HSPG2: variants seen among roughly 807,000 people sequenced by gnomAD.
HSPG2 encodes the protein basement membrane-specific heparan sulfate proteoglycan core protein.
A neutral mutation model predicts 526.6 loss-of-function variants in HSPG2; 278 were observed. The observed-to-expected ratio is 0.53, with a 90% CI of 0.48 to 0.58. The LOEUF (loss-of-function observed/expected upper bound fraction) is 0.58. HSPG2 is among the 20% of genes least tolerant of loss of function. The probability of loss-of-function intolerance (pLI) is 0.00; values close to 1 mark genes in which losing one functional copy is unlikely to be tolerated. For synonymous variants in HSPG2, 2,465 were observed against 2,555.4 expected, an observed-to-expected ratio of 0.96 and a Z score of 1.07; for missense variants, 5,354 against 6,099.5, an observed-to-expected ratio of 0.88 and a Z score of 4.07.
intron 74 of HSPG2, 89 bp from the exon 75 acceptor site, chr1:21,837,095 CATT>C (rs1016050872): frequency 8.2e-7 from 1 of 1,217,856 alleles, no homozygotes. Context: ...CCCAGCCCAA[CATT>C]CAAGGAATGT....
At chr1:21,851,996 C>T in intron 53 of HSPG2, 70 bp from the exon 54 acceptor site, 1 of 1,610,092 alleles carries the variant, frequency 6.2e-7, no homozygotes, top group Admixed American at 1.7e-5. Flanking sequence ...CGCTGTCCCC[C>T]CGATCTAGGA....
At position 21,823,625 on chromosome 1, in the gene HSPG2, C is replaced by A. The variant is rs1138469; in HGVS notation, c.12994G>T (p.Val4332Phe). 6.2e-7 allele frequency: 1 copy of A among 1,613,648 alleles called. No homozygotes were observed. The highest frequency in any genetic ancestry group is 8.5e-7 in the Non-Finnish European group (1 of 1,179,798). ...PNVAVNAKGS[V>F]YIGGAPDVAT... ...GGAGCCCCAGACTTACCGATGTAGACGCTGCCCTTGGCGTTGACTGCCACG... is the reference window on the plus strand; with the variant it reads ...GGAGCCCCAGACTTACCGATGTAGAAGCTGCCCTTGGCGTTGACTGCCACG... The change falls in exon 96 of 97, where the codon GTC becomes TTC. Residue 4332 changes from valine to phenylalanine, a missense_variant. Coordinates refer to ENST00000374695, the MANE Select transcript of HSPG2 (RefSeq NM_005529.7).
chr1:21,883,048 T>A (rs1457641821), intron 13 of HSPG2, among the ~76,000 whole-genome samples: 1 of 151,440 alleles, frequency 6.6e-6, no homozygotes, highest in Non-Finnish European at 1.5e-5. Flanking sequence ...TTCCCACCAC[T>A]CCCTCCCCTG....
At position 21,881,348 on chromosome 1, in the gene HSPG2, C is replaced by T. The variant is rs776619467; in HGVS notation, c.1809G>A (p.Leu603=). The change falls in exon 14 of 97, where the codon CTG becomes CTA. Residue 603 remains leucine, a synonymous_variant. Coordinates refer to ENST00000374695, the MANE Select transcript of HSPG2 (RefSeq NM_005529.7). ...DSFWALPEQF[L]GNKVDSYGGS... ...AGCCCAGGCCCCTCACCTTGTTGCC[C>T]AGGAACTGTTCAGGCAGAGCCCAGA... 1 of 1,613,910 alleles carries T rather than the reference C, an allele frequency of 6.2e-7. No individual in the cohort carries two copies. The highest frequency in any genetic ancestry group is 8.5e-7 in the Non-Finnish European group (1 of 1,179,902).
Position 21,874,900 on chromosome 1 carries a change from C to T in HSPG2, c.3405G>A (p.Pro1135=), listed in dbSNP as rs367965024. ...GGGGCCCAGGACTCACCTGGCAGGACGGCCCACGGTACCCGGGTGGGCAGG... is the reference window on the plus strand; with the variant it reads ...GGGGCCCAGGACTCACCTGGCAGGATGGCCCACGGTACCCGGGTGGGCAGG... ...QCSCPPGYRG[P]SCQDCDTGYT... The change falls in exon 26 of 97, where the codon CCG becomes CCA. Residue 1135 remains proline (P), a synonymous_variant. Transcript: ENST00000374695. The T allele has an allele frequency of 1.9e-5, 30 of 1,611,614 alleles. No homozygotes were observed. The highest frequency in any genetic ancestry group is 1.7e-4 in the Middle Eastern group (1 of 6,036).
At chr1:21,912,221 G>C (rs1643717393) in intron 1 of HSPG2, among the ~76,000 whole-genome samples, 1 of 152,134 alleles carries the variant, frequency 6.6e-6, no homozygotes, top group South Asian at 2.1e-4. Flanking sequence ...TGACCTCTCT[G>C]AGCCTCTGTG....
chr1:21,921,933 T>C (rs1372832839), intron 1 of HSPG2, among the ~76,000 whole-genome samples: 1 of 151,986 alleles, frequency 6.6e-6, no homozygotes, highest in Non-Finnish European at 1.5e-5. Flanking sequence ...GAAGATCCCA[T>C]AAGAAAAGAG....
intron 65 of HSPG2, 124 bp downstream of exon 65, chr1:21,844,024 A>G: frequency 5.3e-6 from 7 of 1,323,370 alleles, no homozygotes; most frequent in Non-Finnish European, 7.4e-6. Flanking sequence ...TCCTGATTCC[A>G]TTGACCTCCT....
In HSPG2 at chr1:21,854,104, C is replaced by G. The variant is rs1160323183; in HGVS notation, c.6439+89G>C. On this transcript the variant is annotated intron_variant, in intron 50 of 96. Coordinates refer to ENST00000374695, the MANE Select transcript of HSPG2 (RefSeq NM_005529.7). ...GGTCAAAGCCTGCCTGGAATGCCCC[C>G]CTGTCCTGGTCCCACTGAAGAAGCC... The G allele has an allele frequency of 2.9e-6, 4 of 1,402,890 alleles. No individual in the cohort carries two copies. In the East Asian group the frequency reaches 1.0e-4, roughly 35 times the overall value. 86.9% of individuals were successfully genotyped at this position (1,402,890 alleles called of 1,614,324 possible).
At chr1:21,852,591 G>C in intron 52 of HSPG2, 109 bp downstream of exon 52, 1 of 1,476,898 alleles carries the variant, frequency 6.8e-7, no homozygotes, top group Non-Finnish European at 9.4e-7. Context: ...CCTGCAGCCA[G>C]CTCCGGTGTG....
At chr1:21,854,412 C>T in intron 49 of HSPG2, 69 bp from the exon 50 acceptor site, 1 of 1,533,558 alleles carries the variant, frequency 6.5e-7, no homozygotes, top group Admixed American at 2.0e-5. Flanking sequence ...CCCTCAGCCT[C>T]AGTGATTCAT....
At position 21,878,106 on chromosome 1, in the gene HSPG2, G is replaced by A; in HGVS notation, c.2685+80C>T. 3.8e-6 allele frequency: 5 copies of A among 1,310,796 alleles called. No homozygotes were observed. In the South Asian group the frequency reaches 6.2e-5, roughly 16 times the overall value. The allele number at this position is 1,310,796 out of a possible 1,614,324, so 81.2% of individuals were successfully genotyped here. ...CCCACTGGCCAAGGATCTATGGAGA[G>A]GACGGAGCTTCCTTCTTCCTCCTCC... is the stretch of plus-strand genomic sequence containing the variant. On this transcript the variant is annotated intron_variant, in intron 21 of 96. Transcript: ENST00000374695.
At position 21,865,924 on chromosome 1, in the gene HSPG2, A is replaced by G; in HGVS notation, c.4222-115T>C. ...TTTTGCACCTGTGCCACACTCCCCC[A>G]CCCCCCTCCCTGCCCAAACCAAGAG... On this transcript the variant is annotated intron_variant, in intron 33 of 96. Coordinates refer to ENST00000374695, the MANE Select transcript of HSPG2 (RefSeq NM_005529.7). This position sits in a 1 kb window ranked among gnomAD's most constrained non-coding sequence, Gnocchi z 5.4. 1 of 730,768 alleles carries G rather than the reference A, an allele frequency of 1.4e-6. No individual in the cohort carries two copies. Among genetic ancestry groups the G allele is most frequent in the Non-Finnish European group, 2.4e-6 (1 of 420,290 alleles). The allele number at this position is 730,768 out of a possible 1,614,324, so 45.3% of individuals were successfully genotyped here.
Position 21,887,922 on chromosome 1 carries a change from C to G in HSPG2, c.703+16G>C. 1 of 1,614,032 alleles carries G rather than the reference C, an allele frequency of 6.2e-7. No individual in the cohort carries two copies. Among genetic ancestry groups the G allele is most frequent in the East Asian group, 2.2e-5 (1 of 44,868 alleles). ...CCTGGCACCCAAACCACTCGTGGCC[C>G]CGGACATCCCCTCACCACAATTGAG... On this transcript the variant is annotated intron_variant, in intron 7 of 96. Coordinates refer to ENST00000374695, the MANE Select transcript of HSPG2 (RefSeq NM_005529.7). This position sits in a 1 kb window ranked among gnomAD's most constrained non-coding sequence, Gnocchi z 5.0.
At position 21,887,131 on chromosome 1, in the gene HSPG2, G is replaced by GGGCGGGTCAGGAGTGGAA; in HGVS notation, c.1078+83_1078+84insTTCCACTCCTGACCCGCC. 7.0e-7 allele frequency: 1 copy of GGGCGGGTCAGGAGTGGAA among 1,429,940 alleles called. No individual in the cohort carries two copies. The highest frequency in any genetic ancestry group is 9.6e-7 in the Non-Finnish European group (1 of 1,040,996). The allele number at this position is 1,429,940 out of a possible 1,614,324, so 88.6% of individuals were successfully genotyped here. On this transcript the variant is annotated intron_variant, in intron 9 of 96. Coordinates refer to ENST00000374695, the MANE Select transcript of HSPG2 (RefSeq NM_005529.7). The surrounding 1 kb of genome is among the most constrained non-coding windows in gnomAD (Gnocchi z 5.0). ...GGGGGAAAGCGGAGGGGCAGGGTAGGGGCGGGGCAGGAGTGGAAGGCGGGG... is the reference window on the plus strand; with the variant it reads ...GGGGGAAAGCGGAGGGGCAGGGTAGGGGCGGGTCAGGAGTGGAAGGCGGGGCAGGAGTGGAAGGCGGGG...
chr1:21,887,199 A>G lies in HSPG2; in HGVS notation c.1078+16T>C. ...GGCAGGGCAAGGGGGCCTCAGCTGG[A>G]CCCTCGGATACTCACGGCAGTTGGC... On this transcript the variant is annotated intron_variant, in intron 9 of 96. Transcript: ENST00000374695. This position sits in a 1 kb window ranked among gnomAD's most constrained non-coding sequence, Gnocchi z 5.0. The G allele has an allele frequency of 6.2e-7, 1 of 1,603,972 alleles. No homozygotes were observed. The highest frequency in any genetic ancestry group is 8.5e-7 in the Non-Finnish European group (1 of 1,176,400).
chr1:21,852,067 C>A (rs769449991), intron 53 of HSPG2, 21 bp downstream of exon 53: 1 of 1,612,174 alleles, frequency 6.2e-7, no homozygotes, highest in Non-Finnish European at 8.5e-7. Context: ...GGCCCCGTCC[C>A]ACATTCTTGG....
intron 33 of HSPG2, among the ~76,000 whole-genome samples, chr1:21,866,764 T>C (rs557807977): frequency 1.3e-5 from 2 of 152,314 alleles, no homozygotes; most frequent in East Asian, 3.9e-4. Context: ...AGGGCAGACA[T>C]TCATCTCAAT....
intron 65 of HSPG2, 121 bp downstream of exon 65, chr1:21,844,027 G>T: frequency 7.5e-7 from 1 of 1,334,664 alleles, no homozygotes; most frequent in South Asian, 1.3e-5. Flanking sequence ...TGATTCCATT[G>T]ACCTCCTGCT....
Sources: allele counts gnomAD v4.1 joint callset (sites outside exome capture counted in the v4.1 genomes callset), GRCh38; gene constraint gnomAD v4.1.1; non-coding constraint Gnocchi (gnomAD v3.1); transcripts MANE v1.5; gene names NCBI Gene and HGNC (gene_info 2026-07-23, HGNC 2026-07-21).